The following CARF variants were observed in gnomAD, a reference collection of about 807,000 sequenced individuals.
CARF encodes calcium responsive transcription factor.
In CARF, 57 loss-of-function variants were observed where a neutral mutation model predicts 82.0. The ratio of observed to expected loss-of-function variants is 0.70; its 90% CI spans 0.56 to 0.87. The LOEUF (loss-of-function observed/expected upper bound fraction) is 0.87. CARF is among the 40% of genes least tolerant of loss of function. CARF has a pLI of 0.00. For synonymous variants in CARF, 268 were observed against 290.1 expected, an observed-to-expected ratio of 0.92 and a Z score of 0.77; for missense variants, 771 against 855.8, an observed-to-expected ratio of 0.90 and a Z score of 1.24.
intron 5 of CARF, among the ~76,000 whole-genome samples, chr2:202,945,591 C>T (rs2058458825): frequency 6.6e-6 from 1 of 152,118 alleles, no homozygotes; most frequent in Admixed American, 6.6e-5. Flanking sequence ...GTGTAGTTTG[C>T]TAAGGATAGT....
At position 202,949,033 on chromosome 2, in the gene CARF, AT is replaced by A. The variant is rs140903431; in HGVS notation, c.307-3520del. The stretch of plus-strand genomic sequence containing the variant: ...TTAATTTATTTTAATTAAATAATTT[AT>A]TTTTTAAGAGAAATGTCTCAGCTGG... On this transcript the variant is annotated intron_variant, in intron 5 of 16. Transcript: ENST00000438828. Among the ~76,000 whole-genome samples, 715 of 152,194 alleles carry A rather than the reference AT, an allele frequency of 4.7e-3. 6 individuals carry two copies. Among genetic ancestry groups the A allele is most frequent in the African/African-American group, 0.017 (686 of 41,532 alleles).
chr2:202,934,656 T>C (rs1381858758), intron 3 of CARF: 3 of 152,230 alleles, frequency 2.0e-5, no homozygotes, highest in Non-Finnish European at 4.4e-5. Context: ...GGTTTCAACA[T>C]GTTGTCCGGG....
In CARF at chr2:202,933,389, C is replaced by A. The variant is rs948958511; in HGVS notation, c.-43-8471C>A. 3.3e-5 allele frequency among the ~76,000 whole-genome samples: 5 copies of A among 152,120 alleles called. 1 individual carries two copies. Among genetic ancestry groups the A allele is most frequent in the Admixed American group, 3.3e-4 (5 of 15,278 alleles). On this transcript the variant is annotated intron_variant, in intron 3 of 16. Transcript: ENST00000438828. ...AACTACAGTGCCTGGGACACAGTGTCGGTTTCTTCTCTCGGGGTAGCACAG... is the reference window on the plus strand; with the variant it reads ...AACTACAGTGCCTGGGACACAGTGTAGGTTTCTTCTCTCGGGGTAGCACAG...
Position 202,974,434 on chromosome 2 carries a change from G to A in CARF, c.1432G>A (p.Glu478Lys), listed in dbSNP as rs754573225. The A allele has an allele frequency of 6.2e-7, 1 of 1,608,908 alleles. No individual in the cohort carries two copies. Among genetic ancestry groups the A allele is most frequent in the East Asian group, 2.2e-5 (1 of 44,698 alleles). The change falls in exon 13 of 17, where the codon GAG (glutamate) becomes AAG (lysine). Residue 478 changes from glutamate to lysine, a missense_variant. Glu to Lys is a moderately conservative substitution (Grantham distance 56). Coordinates refer to ENST00000438828, the MANE Select transcript of CARF (RefSeq NM_024744.17). ...AAATGATATAAAAAATCACATCCAT[G>A]AGGTACAGAAATCCTTGAGAAATGG... is the stretch of plus-strand genomic sequence containing the variant. ...TVNDIKNHIHEVQKSLRNGDT... is the reference protein window; with the variant it reads ...TVNDIKNHIHKVQKSLRNGDT...
Position 202,981,213 on chromosome 2 carries a change from C to T in CARF, c.1559-342C>T, listed in dbSNP as rs374947354. Among the ~76,000 whole-genome samples the T allele has an allele frequency of 2.6e-5, 4 of 152,282 alleles. No homozygotes were observed. The South Asian group carries it at 8.3e-4, about 32-fold the overall frequency. ...GTTTTGGGATTAAACTGTTCCACCT[C>T]AGATCATCAGGCATTAGATTCTCAT... On this transcript the variant is annotated intron_variant, in intron 14 of 16. Transcript: ENST00000438828.
intron 14 of CARF, among the ~76,000 whole-genome samples, chr2:202,979,386 G>A (rs1029287409): frequency 1.3e-5 from 2 of 152,206 alleles, no homozygotes; most frequent in African/African-American, 2.4e-5. Flanking sequence ...CAGCAGTGAA[G>A]TAAAAGGACA....
At chr2:202,941,811 C>G (rs1232686592) in intron 3 of CARF, 49 bp from the exon 4 acceptor site, 5 of 940,970 alleles carry the variant, frequency 5.3e-6, no homozygotes, top group Admixed American at 2.0e-5. Flanking sequence ...TAAAACAGTC[C>G]ACAAAAATAC....
At chr2:202,938,269 T>C (rs1182465634) in intron 3 of CARF, 2 of 152,190 alleles carry the variant, frequency 1.3e-5, no homozygotes, top group Non-Finnish European at 2.9e-5. Context: ...ATGATTCTTT[T>C]TGAGACGGAG....
intron 8 of CARF, among the ~76,000 whole-genome samples, chr2:202,958,303 A>G (rs1031504623): frequency 2.3e-5 from 3 of 130,162 alleles, no homozygotes; most frequent in Non-Finnish European, 5.0e-5. Flanking sequence ...TTGTCCCCCT[A>G]CCTTTTGTTA....
At chr2:202,980,645 T>G (rs1475784344) in intron 14 of CARF, among the ~76,000 whole-genome samples, 3 of 88,826 alleles carry the variant, frequency 3.4e-5, no homozygotes, top group Non-Finnish European at 7.4e-5. Context: ...TATATATATA[T>G]ATATATATAT....
chr2:202,915,873 G>T (rs186571324), intron 1 of CARF, among the ~76,000 whole-genome samples: 136 of 151,926 alleles, frequency 9.0e-4, no homozygotes, highest in Non-Finnish European at 1.7e-3. Flanking sequence ...CTCCCAAAGC[G>T]CTGGGATTAC....
chr2:202,928,899 T>G (rs547038454), intron 3 of CARF, among the ~76,000 whole-genome samples: 38 of 152,080 alleles, frequency 2.5e-4, no homozygotes, highest in African/African-American at 8.9e-4. Context: ...CCGGCTAATT[T>G]TTTGTGTTTT....
rs1213505302 is a variant in CARF, at chr2:202,912,555, G to C, written c.-877G>C. ...GAGCAACTGCCGGCCTCCGCCCCCA[G>C]CCGCAGCCGGTCACTGGCGGCGCCT... On this transcript the variant is annotated 5_prime_UTR_variant, in exon 1 of 17. Transcript: ENST00000438828. 3 of 151,584 alleles carry C rather than the reference G, an allele frequency of 2.0e-5. No individual in the cohort carries two copies. Among genetic ancestry groups the C allele is most frequent in the Non-Finnish European group, 1.5e-5 (1 of 67,854 alleles). The allele number at this position is 151,584 out of a possible 1,614,324, so 9.4% of individuals were successfully genotyped here. A position where few individuals can be genotyped will look rare whatever the true frequency, so the allele number is the denominator to read the frequency against.
chr2:202,932,982 G>A (rs961140584), intron 3 of CARF, among the ~76,000 whole-genome samples: 10 of 152,144 alleles, frequency 6.6e-5, no homozygotes, highest in Non-Finnish European at 2.9e-5. Flanking sequence ...CTTAAGCCTG[G>A]GGGGCATGAC....
rs181071834 is a variant in CARF at position 202,917,298 on chromosome 2, C to T, written c.-329-579C>T. ...TTTACTTTTGATATAAGATAAAATC[C>T]ACTTTTTAAATGTGATAACAAAACA... On this transcript the variant is annotated intron_variant, in intron 1 of 16. Coordinates refer to ENST00000438828, the MANE Select transcript of CARF (RefSeq NM_024744.17). Among the ~76,000 whole-genome samples, 225 of 149,848 alleles carry T rather than the reference C, an allele frequency of 1.5e-3. 1 individual carries two copies. Among genetic ancestry groups the T allele is most frequent in the Non-Finnish European group, 1.5e-3 (99 of 67,624 alleles).
At chr2:202,946,427 G>T (rs994765447) in intron 5 of CARF, among the ~76,000 whole-genome samples, 1 of 152,156 alleles carries the variant, frequency 6.6e-6, no homozygotes, top group Admixed American at 6.6e-5. Flanking sequence ...AAATGGTGCT[G>T]GGAAAACTGG....
chr2:202,987,433 T>G lies in CARF; in HGVS notation c.*3809T>G, dbSNP rs1317663992. On this transcript the variant is annotated 3_prime_UTR_variant, in exon 17 of 17. Transcript: ENST00000438828. ...AAAATCTTAATCTCTCCAGAAGGGA[T>G]ACTGCATTGGTTCTTCTCCATCAGC... Among the ~76,000 whole-genome samples the G allele has an allele frequency of 2.6e-5, 4 of 152,180 alleles. No individual in the cohort carries two copies. The highest frequency in any genetic ancestry group is 9.7e-5 in the African/African-American group (4 of 41,446).
At chr2:202,942,111 C>A in intron 4 of CARF, 131 bp downstream of exon 4, 1 of 632,024 alleles carries the variant, frequency 1.6e-6, no homozygotes, top group Non-Finnish European at 2.8e-6. Flanking sequence ...TGGTGGCTGA[C>A]ACCTGTGATC....
chr2:202,963,905 C>T lies in CARF; in HGVS notation c.832+2479C>T, dbSNP rs140233827. ...GGCTGTAAATACAGATGAAGCTTTG[C>T]TGGCTTGCCCACTGCTCACCTCCTG... On this transcript the variant is annotated intron_variant, in intron 9 of 16. Transcript: ENST00000438828. Among the ~76,000 whole-genome samples the T allele has an allele frequency of 7.3e-3, 1,111 of 152,282 alleles. 2 individuals are homozygous for T. The highest frequency in any genetic ancestry group is 0.012 in the Non-Finnish European group (797 of 68,024).
Sources: gnomAD v4.1 joint callset for allele counts (sites outside exome capture counted in the v4.1 genomes callset) on GRCh38, gnomAD v4.1.1 for gene constraint, MANE v1.5 for transcripts, NCBI Gene and HGNC (gene_info 2026-07-23, HGNC 2026-07-21) for gene names.